The following PHB2 variants were observed in gnomAD, a reference collection of about 807,000 sequenced individuals.
PHB2 encodes the protein prohibitin-2.
PHB2 carries 22 observed loss-of-function variants against 46.4 expected under a neutral mutation model. The observed-to-expected ratio is 0.47, with a 90% CI of 0.34 to 0.68. The LOEUF (loss-of-function observed/expected upper bound fraction) is 0.68. Ranked by LOEUF, PHB2 falls within the 30% of genes least tolerant of loss-of-function variation. The pLI, the probability that PHB2 is intolerant of heterozygous loss-of-function variation, is 0.01. For synonymous variants in PHB2, 156 were observed against 150.5 expected (o/e 1.04, Z -0.27); for missense variants, 305 against 382.8 (o/e 0.80, Z 1.70).
Position 6,968,396 on chromosome 12 carries a change from TG to T in PHB2, c.477+14del, listed in dbSNP as rs1946253580. ...GGAAAGGCTGACACCACGCAGATGG[TG>T]GTGGGAGTCAGACCTGGGCCCGCTG... On this transcript the variant is annotated intron_variant, in intron 4 of 9. Transcript: ENST00000535923. 1 of 1,584,436 alleles carries T rather than the reference TG, an allele frequency of 6.3e-7. No individual in the cohort carries two copies. The highest frequency in any genetic ancestry group is 8.6e-7 in the Non-Finnish European group (1 of 1,157,742).
rs1555151144 is a variant in PHB2, at chr12:6,967,834, G to A, written c.608-55C>T. On this transcript the variant is annotated intron_variant, in intron 5 of 9. Transcript: ENST00000535923. The surrounding 1 kb of genome is among the most constrained non-coding windows in gnomAD (Gnocchi z 4.9). ...GTCCTGGGTCAGGAGCCCCACCCAT[G>A]GAGTCTTTCCTCCTCCTGCATCTCA... The A allele has an allele frequency of 6.2e-7, 1 of 1,609,720 alleles. No homozygotes were observed. The highest frequency in any genetic ancestry group is 1.7e-5 in the Admixed American group (1 of 59,848).
Position 6,967,884 on chromosome 12 carries a change from C to T in PHB2, c.607+8G>A, listed in dbSNP as rs782298702. ...AGAAGCCCTCACCCCACGGCTCTTGCGACTCACCCACTTGTTTGGCTTCTA... is the reference window on the plus strand; with the variant it reads ...AGAAGCCCTCACCCCACGGCTCTTGTGACTCACCCACTTGTTTGGCTTCTA... On this transcript the variant is annotated splice_region_variant and intron_variant, in intron 5 of 9. Transcript: ENST00000535923. This position sits in a 1 kb window ranked among gnomAD's most constrained non-coding sequence, Gnocchi z 4.9. 2.2e-5 allele frequency: 35 copies of T among 1,613,064 alleles called. No individual in the cohort carries two copies. The highest frequency in any genetic ancestry group is 5.3e-5 in the African/African-American group (4 of 75,028).
Position 6,967,650 on chromosome 12 carries a change from C to T in PHB2, c.711+26G>A. On this transcript the variant is annotated intron_variant, in intron 6 of 9. Coordinates refer to ENST00000535923, the MANE Select transcript of PHB2 (RefSeq NM_001144831.2). The surrounding 1 kb of genome is among the most constrained non-coding windows in gnomAD (Gnocchi z 4.9). ...GAACTCAGGTGCCCTAGGGGCTGGGCTGAGATCTCTCCAGCAGAAGGATAT... is the reference window on the plus strand; with the variant it reads ...GAACTCAGGTGCCCTAGGGGCTGGGTTGAGATCTCTCCAGCAGAAGGATAT... 2 of 1,581,706 alleles carry T rather than the reference C, an allele frequency of 1.3e-6. No individual in the cohort carries two copies. The highest frequency in any genetic ancestry group is 1.7e-6 in the Non-Finnish European group (2 of 1,151,146).
In PHB2 at chr12:6,970,471, G is replaced by A. The variant is rs372899565; in HGVS notation, c.73C>T (p.Leu25=). The A allele has an allele frequency of 1.0e-5, 16 of 1,605,812 alleles. No individual in the cohort carries two copies. The highest frequency in any genetic ancestry group is 8.9e-5 in the East Asian group (4 of 44,854). Residue 25 remains leucine, a synonymous_variant, in exon 1 of 10, where the codon CTG becomes TTG. Transcript: ENST00000535923. ...GPRGMGTALK[L]LLGAGAVAYG... ...GCCACGGCGCCGGCCCCCAGCAACA[G>A]CTTCAGGGCCGTGCCCATGCCCCGG... is the stretch of plus-strand genomic sequence containing the variant.
chr12:6,969,748 AATT>A (rs1946284379), intron 2 of PHB2, among the ~76,000 whole-genome samples, 171 bp from the exon 3 acceptor site: 1 of 151,644 alleles, frequency 6.6e-6, no homozygotes, highest in Non-Finnish European at 1.5e-5. Flanking sequence ...AAAATACAAA[AATT>A]AGCCGGGCGT....
Position 6,965,622 on chromosome 12 carries a change from G to C in PHB2, c.*63C>G. ...TAGGGCTGTGCTGGACCCCTGGCTGGCTCCTCAAAAACTGGAGAAGCAGAT... is the reference window on the plus strand; with the variant it reads ...TAGGGCTGTGCTGGACCCCTGGCTGCCTCCTCAAAAACTGGAGAAGCAGAT... On this transcript the variant is annotated 3_prime_UTR_variant, in exon 10 of 10. Transcript: ENST00000535923. 1 of 1,416,248 alleles carries C rather than the reference G, an allele frequency of 7.1e-7. No homozygotes were observed. The highest frequency in any genetic ancestry group is 9.9e-7 in the Non-Finnish European group (1 of 1,008,336). The allele number at this position is 1,416,248 out of a possible 1,614,324, so 87.7% of individuals were successfully genotyped here. A position where few individuals can be genotyped will look rare whatever the true frequency, so the allele number is the denominator to read the frequency against.
intron 3 of PHB2, 33 bp downstream of exon 3, chr12:6,969,465 C>T: frequency 8.0e-7 from 1 of 1,244,298 alleles, no homozygotes. Context: ...GATCATCCCA[C>T]CTGCCATGTG....
At chr12:6,965,736 A>G (rs782170572) in intron 9 of PHB2, 24 bp from the exon 10 acceptor site, 49 of 1,604,230 alleles carry the variant, frequency 3.1e-5, no homozygotes, top group Non-Finnish European at 4.1e-5. Flanking sequence ...AAGATAGATA[A>G]TGACATTATT....
chr12:6,965,986 G>T, intron 8 of PHB2, 70 bp from the exon 9 acceptor site: 1 of 1,528,616 alleles, frequency 6.5e-7, no homozygotes, highest in South Asian at 1.1e-5. Context: ...GACAGCTTCA[G>T]GCCCCACTCA....
chr12:6,965,730 TA>T lies in PHB2; in HGVS notation c.873-19del, dbSNP rs782204395. The stretch of plus-strand genomic sequence containing the variant: ...GGCTGTCACTGTAGGAAAAAAAAGA[TA>T]GATAATGACATTATTAGGGGACATA... On this transcript the variant is annotated intron_variant, in intron 9 of 9. Transcript: ENST00000535923. 5.1e-5 allele frequency: 82 copies of T among 1,608,142 alleles called. No individual in the cohort carries two copies. Among genetic ancestry groups the T allele is most frequent in the Non-Finnish European group, 6.3e-5 (74 of 1,175,460 alleles).
rs1555151934 is a variant in PHB2 at position 6,970,491 on chromosome 12, C to T, written c.53G>A (p.Gly18Asp). The T allele has an allele frequency of 3.7e-6, 6 of 1,605,184 alleles. No individual in the cohort carries two copies. The highest frequency in any genetic ancestry group is 1.7e-5 in the Admixed American group (1 of 59,874). ...LAGRLPAGPR[G>D]MGTALKLLLG... ...CAACAGCTTCAGGGCCGTGCCCATG[C>T]CCCGGGGCCCGGCGGGCAGCCGTCC... is the stretch of plus-strand genomic sequence containing the variant. Residue 18 changes from glycine to aspartate, a missense_variant, in exon 1 of 10, where the codon GGC becomes GAC. Coordinates refer to ENST00000535923, the MANE Select transcript of PHB2 (RefSeq NM_001144831.2).
At chr12:6,970,175 G>A (rs1374551177) in intron 2 of PHB2, 21 bp downstream of exon 2, 10 of 1,584,128 alleles carry the variant, frequency 6.3e-6, no homozygotes, top group African/African-American at 1.3e-5. Flanking sequence ...GTCAGGGTCA[G>A]CAGGCTCTGC....
chr12:6,966,545 C>T, intron 7 of PHB2, 45 bp from the exon 8 acceptor site: 1 of 1,220,348 alleles, frequency 8.2e-7, no homozygotes, highest in Non-Finnish European at 1.2e-6. Context: ...AAGCAAAGAC[C>T]TCAATTCCGA....
At position 6,969,498 on chromosome 12, in the gene PHB2, CT is replaced by C; in HGVS notation, c.291del (p.Asp98ThrfsTer5). The C allele has an allele frequency of 1.3e-6, 2 of 1,583,344 alleles. No homozygotes were observed. Among genetic ancestry groups the C allele is most frequent in the Non-Finnish European group, 1.7e-6 (2 of 1,154,098 alleles). Reference protein sequence around the residue: ...PRKISSPTGSKDLQMVNISLR... With the variant: ...PRKISSPTGSXDLQMVNISLR... ...GTGATTACCAAGTGCTCAGACCTAC[CT>C]TTGGAGCCTGTAGGGGAGGAGATTT... On this transcript the variant is annotated frameshift_variant and splice_region_variant, in exon 3 of 10. Transcript: ENST00000535923. LOFTEE classifies it high-confidence loss of function.
intron 3 of PHB2, among the ~76,000 whole-genome samples, chr12:6,969,266 G>A (rs1328596323): frequency 6.6e-6 from 1 of 152,190 alleles, no homozygotes; most frequent in Non-Finnish European, 1.5e-5. Context: ...CAAGACGAGG[G>A]ACAAACAATA....
At chr12:6,968,311 G>A in intron 4 of PHB2, 100 bp downstream of exon 4, 2 of 887,666 alleles carry the variant, frequency 2.3e-6, no homozygotes, top group South Asian at 1.6e-5. Flanking sequence ...ATGGCACTAG[G>A]GTGACAATGC....
Position 6,965,463 on chromosome 12 carries a change from T to C in PHB2, c.*222A>G. On this transcript the variant is annotated 3_prime_UTR_variant, in exon 10 of 10. Coordinates refer to ENST00000535923, the MANE Select transcript of PHB2 (RefSeq NM_001144831.2). ...GAAATCACTGAGAAATCACGCACTGTCCCCAACAGCCCCAGTTAACACAGG... is the reference window on the plus strand; with the variant it reads ...GAAATCACTGAGAAATCACGCACTGCCCCCAACAGCCCCAGTTAACACAGG... The C allele has an allele frequency of 3.3e-6, 2 of 603,946 alleles. No individual in the cohort carries two copies. Among genetic ancestry groups the C allele is most frequent in the Non-Finnish European group, 5.9e-6 (2 of 337,342 alleles). The allele number at this position is 603,946 out of a possible 1,614,324, so 37.4% of individuals were successfully genotyped here. A position where few individuals can be genotyped will look rare whatever the true frequency, so the allele number is the denominator to read the frequency against.
chr12:6,966,289 C>A, intron 8 of PHB2, 135 bp downstream of exon 8: 1 of 666,232 alleles, frequency 1.5e-6, no homozygotes, highest in Non-Finnish European at 2.7e-6. Flanking sequence ...TAGAAACTGT[C>A]AACCACCCCC....
In PHB2 at chr12:6,970,422, AAC is replaced by A. The variant is rs1225565583; in HGVS notation, c.120_121del (p.Phe41HisfsTer41). 1.2e-6 allele frequency: 2 copies of A among 1,603,886 alleles called. No individual in the cohort carries two copies. The highest frequency in any genetic ancestry group is 1.7e-6 in the Non-Finnish European group (2 of 1,179,706). On this transcript the variant is annotated frameshift_variant, in exon 1 of 10. Transcript: ENST00000535923. LOFTEE classifies it high-confidence loss of function. ...AGCAGGCGGAGGTTGCTCACCGGTG[AAC>A]ACAGATTCGCGCACACCGTAGGCCA... is the stretch of plus-strand genomic sequence containing the variant.
Sources: gnomAD v4.1 joint callset for allele counts (sites outside exome capture counted in the v4.1 genomes callset) on GRCh38, gnomAD v4.1.1 for gene constraint, Gnocchi (gnomAD v3.1) non-coding constraint, MANE v1.5 for transcripts, NCBI Gene and HGNC (gene_info 2026-07-23, HGNC 2026-07-21) for gene names.